Variants in PCMT1 observed in about 807,000 individuals in gnomAD.
PCMT1 encodes the protein protein-L-isoaspartate(D-aspartate) O-methyltransferase.
In PCMT1, 9 loss-of-function variants were observed where a neutral mutation model predicts 29.2. The observed-to-expected ratio is 0.31, with a 90% CI of 0.19 to 0.54. The LOEUF (loss-of-function observed/expected upper bound fraction) is 0.54, where lower values mean the gene tolerates loss of function less well. Among genes scored for constraint, PCMT1 ranks in the 20% least tolerant of loss-of-function variants. The pLI, the probability that PCMT1 is intolerant of heterozygous loss-of-function variation, is 0.95. For synonymous variants in PCMT1, 98 were observed against 97.5 expected (o/e 1.00, Z -0.03); for missense variants, 184 against 282.2 (o/e 0.65, Z 2.49).
At position 149,785,639 on chromosome 6, in the gene PCMT1, T is replaced by C. The variant is rs1788004027; in HGVS notation, c.193-4315T>C. On this transcript the variant is annotated intron_variant, in intron 3 of 7. Transcript: ENST00000464889. ...CGAGCACGCTGCCTTCAAGCATCTG[T>C]TTAACAAAGCACATCTTGCACCGCC... 3.9e-5 allele frequency among the ~76,000 whole-genome samples: 6 copies of C among 152,154 alleles called. No individual in the cohort carries two copies. In the South Asian group the frequency reaches 1.2e-3, roughly 32 times the overall value.
rs1425603863 is a variant in PCMT1, at chr6:149,785,659, AC to A, written c.193-4293del. On this transcript the variant is annotated intron_variant, in intron 3 of 7. Transcript: ENST00000464889. ...ATCTGTTTAACAAAGCACATCTTGC[AC>A]CGCCCTTAATCCATTTAACCCTGAG... is the stretch of plus-strand genomic sequence containing the variant. Among the ~76,000 whole-genome samples the A allele has an allele frequency of 7.9e-5, 12 of 152,120 alleles. No homozygotes were observed. In the South Asian group the frequency reaches 1.2e-3, roughly 16 times the overall value.
At chr6:149,757,965 C>G (rs772648080) in intron 1 of PCMT1, among the ~76,000 whole-genome samples, 2 of 152,146 alleles carry the variant, frequency 1.3e-5, no homozygotes, top group Non-Finnish European at 2.9e-5. Flanking sequence ...TCACTGCAAC[C>G]TCTGCCTCTC....
chr6:149,764,476 CAG>C (rs1164810788), intron 1 of PCMT1, among the ~76,000 whole-genome samples: 1 of 152,260 alleles, frequency 6.6e-6, no homozygotes, highest in Admixed American at 6.5e-5. Flanking sequence ...AGGCTAGGGA[CAG>C]GGGCTCACAC....
rs142782386 is a variant in PCMT1, at chr6:149,782,138, A to G, written c.193-7816A>G. 1.5e-3 allele frequency among the ~76,000 whole-genome samples: 233 copies of G among 152,346 alleles called. 1 individual carries two copies. The highest frequency in any genetic ancestry group is 5.3e-3 in the African/African-American group (219 of 41,590). On this transcript the variant is annotated intron_variant, in intron 3 of 7. Coordinates refer to ENST00000464889, the MANE Select transcript of PCMT1 (RefSeq NM_001360452.2). ...GACTGTTAATAAGGAAAACTTGTGT[A>G]TCTATGTATGTATATAGTCACATGA...
intron 3 of PCMT1, among the ~76,000 whole-genome samples, chr6:149,787,167 A>G (rs1203771325): frequency 6.8e-6 from 1 of 147,096 alleles, no homozygotes; most frequent in East Asian, 2.0e-4. Flanking sequence ...AATCGCAGGC[A>G]CTCGGCAGGC....
chr6:149,750,588 C>G (rs1786272605), intron 1 of PCMT1, among the ~76,000 whole-genome samples: 1 of 152,152 alleles, frequency 6.6e-6, no homozygotes, highest in South Asian at 2.1e-4. Flanking sequence ...GGAGAAAGAA[C>G]AGGGGATGCT....
At chr6:149,782,328 G>C (rs1370802757) in intron 3 of PCMT1, among the ~76,000 whole-genome samples, 1 of 152,002 alleles carries the variant, frequency 6.6e-6, no homozygotes, top group Non-Finnish European at 1.5e-5. Flanking sequence ...CAGAAAGTGA[G>C]GATGCAAAGA....
intron 1 of PCMT1, among the ~76,000 whole-genome samples, chr6:149,770,189 T>C (rs1461139011): frequency 6.6e-6 from 1 of 152,214 alleles, no homozygotes; most frequent in Non-Finnish European, 1.5e-5. Flanking sequence ...GAGCTCCAGA[T>C]CCATGTGTCC....
chr6:149,776,378 C>T lies in PCMT1; in HGVS notation c.192+3209C>T, dbSNP rs535444600. On this transcript the variant is annotated intron_variant, in intron 3 of 7. Coordinates refer to ENST00000464889, the MANE Select transcript of PCMT1 (RefSeq NM_001360452.2). ...TTCGCGTGCCTTACTCAGCCTTCCT[C>T]GTAGCTGGGATTACAGGTGTGCACT... 9.5e-5 allele frequency among the ~76,000 whole-genome samples: 13 copies of T among 136,736 alleles called. No individual in the cohort carries two copies. In the South Asian group the frequency reaches 2.4e-3, roughly 25 times the overall value. The allele number at this position is 136,736 out of a possible 152,430, so 89.7% of individuals were successfully genotyped here.
intron 3 of PCMT1, among the ~76,000 whole-genome samples, chr6:149,775,539 C>T (rs889331914): frequency 6.6e-6 from 1 of 151,914 alleles, no homozygotes; most frequent in African/African-American, 2.4e-5. Context: ...GACTCTGTCT[C>T]TACAAAAAAT....
At chr6:149,788,608 G>A (rs768230504) in intron 3 of PCMT1, among the ~76,000 whole-genome samples, 1 of 152,180 alleles carries the variant, frequency 6.6e-6, no homozygotes, top group Non-Finnish European at 1.5e-5. Context: ...TCTTAGCAGA[G>A]GCATTTGATG....
chr6:149,766,675 G>C (rs533369224), intron 1 of PCMT1, among the ~76,000 whole-genome samples: 4 of 152,288 alleles, frequency 2.6e-5, no homozygotes, highest in Admixed American at 1.3e-4. Context: ...TACACGGCTT[G>C]CAAATCCTAA....
At chr6:149,773,252 A>C in intron 3 of PCMT1, 83 bp downstream of exon 3, 3 of 1,100,184 alleles carry the variant, frequency 2.7e-6, no homozygotes, top group Middle Eastern at 2.2e-4. Context: ...GATTTAAAGA[A>C]AGTTGTATCA....
At chr6:149,765,359 CAA>C (rs745563333) in intron 1 of PCMT1, among the ~76,000 whole-genome samples, 5 of 85,666 alleles carry the variant, frequency 5.8e-5, no homozygotes, top group Non-Finnish European at 1.1e-4. Flanking sequence ...GACTCTGTCT[CAA>C]AAAAAAAAAA....
intron 2 of PCMT1, among the ~76,000 whole-genome samples, chr6:149,771,470 A>G (rs1787319002): frequency 6.6e-6 from 1 of 152,218 alleles, no homozygotes; most frequent in South Asian, 2.1e-4. Context: ...AATATATAAT[A>G]TGTATAAAGA....
rs1786234955 is a variant in PCMT1 at position 149,749,959 on chromosome 6, A to C, written c.55+3A>C. On this transcript the variant is annotated splice_donor_region_variant and intron_variant, in intron 1 of 7. Transcript: ENST00000464889. ...GGAGCTAATCCACAATCTCCGCAGT[A>C]AGTGCCACCTCCGCCCGTTGTAGGG... is the stretch of plus-strand genomic sequence containing the variant. 6.2e-7 allele frequency: 1 copy of C among 1,609,634 alleles called. No individual in the cohort carries two copies. The highest frequency in any genetic ancestry group is 8.5e-7 in the Non-Finnish European group (1 of 1,178,172).
chr6:149,807,711 T>G (rs939225972), intron 7 of PCMT1, among the ~76,000 whole-genome samples: 2 of 152,176 alleles, frequency 1.3e-5, no homozygotes, highest in Non-Finnish European at 2.9e-5. Flanking sequence ...GTGTAATTGG[T>G]CCATCTTTAG....
intron 1 of PCMT1, 100 bp from the exon 2 acceptor site, chr6:149,771,062 C>T: frequency 1.7e-6 from 1 of 595,620 alleles, no homozygotes; most frequent in Non-Finnish European, 2.8e-6. Context: ...CAATCATTCT[C>T]TCTTCCAGTT....
At chr6:149,778,382 C>CTTGTAATTA (rs1787664807) in intron 3 of PCMT1, among the ~76,000 whole-genome samples, 2 of 151,664 alleles carry the variant, frequency 1.3e-5, no homozygotes, top group Non-Finnish European at 2.9e-5. Context: ...GTGTGCACCA[C>CTTGTAATTA]CACACCCGGC....
Sources: allele counts gnomAD v4.1 joint callset (sites outside exome capture counted in the v4.1 genomes callset), GRCh38; gene constraint gnomAD v4.1.1; transcripts MANE v1.5; gene names NCBI Gene and HGNC (gene_info 2026-07-23, HGNC 2026-07-21).